Variants in BOLA3 observed in about 807,000 individuals in gnomAD.
BOLA3 encodes bolA-like protein 3.
A neutral mutation model predicts 14.5 loss-of-function variants in BOLA3; 8 were observed. The observed-to-expected ratio is 0.55, with a 90% CI of 0.32 to 0.99. The LOEUF (loss-of-function observed/expected upper bound fraction) is 0.99. Ranked by LOEUF, BOLA3 falls within the 50% of genes least tolerant of loss-of-function variation. The pLI is 0.04. For missense variants in BOLA3, 115 were observed against 138.2 expected (o/e 0.83, Z 0.84); for synonymous variants, 42 against 45.7 (o/e 0.92, Z 0.33).
Position 74,142,497 on chromosome 2 carries a change from G to T in BOLA3, c.170-137C>A, listed in dbSNP as rs182153841. 1,658 of 732,316 alleles carry T rather than the reference G, an allele frequency of 2.3e-3. 3 individuals carry two copies. The highest frequency in any genetic ancestry group is 4.6e-3 in the Middle Eastern group (20 of 4,316). 45.4% of individuals were successfully genotyped at this position (732,316 alleles called of 1,614,324 possible). Reference sequence around the variant, plus strand: ...CAAAGGAAAGTTGCTAAGACCATTAGGAAAAGATCATGGCTTCCAATCTGA... The same window carrying T: ...CAAAGGAAAGTTGCTAAGACCATTATGAAAAGATCATGGCTTCCAATCTGA... On this transcript the variant is annotated intron_variant, in intron 2 of 3. Transcript: ENST00000327428.
intron 2 of BOLA3, among the ~76,000 whole-genome samples, chr2:74,144,339 T>C (rs1233740300): frequency 1.3e-5 from 2 of 152,244 alleles, no homozygotes; most frequent in Admixed American, 6.5e-5. Flanking sequence ...TTATTTCCTG[T>C]GGTTTCCAGA....
At chr2:74,142,933 C>G (rs78726562) in intron 2 of BOLA3, among the ~76,000 whole-genome samples, 9,710 of 152,194 alleles carry the variant, frequency 0.064, 1,022 homozygotes, top group African/African-American at 0.22. Context: ...TTCATCCTGG[C>G]TTTTGGGGGG....
intron 2 of BOLA3, among the ~76,000 whole-genome samples, chr2:74,143,532 C>T (rs1692486268): frequency 6.6e-6 from 1 of 152,104 alleles, no homozygotes; most frequent in African/African-American, 2.4e-5. Context: ...CTCAACTCCC[C>T]TTCTGCACTC....
At position 74,147,846 on chromosome 2, in the gene BOLA3, G is replaced by A; in HGVS notation, c.29C>T (p.Ala10Val). Residue 10 changes from alanine (A) to valine (V), a missense_variant, in exon 1 of 4, where the codon GCG becomes GTG. By Grantham distance (64) the Ala-to-Val change is moderately conservative (BLOSUM62 0). Coordinates refer to ENST00000327428, the MANE Select transcript of BOLA3 (RefSeq NM_212552.3). ...CCCGCGGATCCCGCGGAGGAGAGGC[G>A]CTGCCGCGGCCGGGCTCCATGCAGC... MAAWSPAAA[A>V]PLLRGIRGLP... The A allele has an allele frequency of 6.6e-7, 1 of 1,525,468 alleles. No individual in the cohort carries two copies. The highest frequency in any genetic ancestry group is 1.2e-5 in the South Asian group (1 of 83,046). The allele number at this position is 1,525,468 out of a possible 1,614,324, so 94.5% of individuals were successfully genotyped here.
At position 74,147,818 on chromosome 2, in the gene BOLA3, C is replaced by T. The variant is rs923189776; in HGVS notation, c.54+3G>A. 5.9e-6 allele frequency: 9 copies of T among 1,529,034 alleles called. No homozygotes were observed. In the Admixed American group the frequency reaches 1.6e-4, roughly 27 times the overall value. The allele number at this position is 1,529,034 out of a possible 1,614,324, so 94.7% of individuals were successfully genotyped here. A position where few individuals can be genotyped will look rare whatever the true frequency, so the allele number is the denominator to read the frequency against. ...GAGCAGCCCCGACCCTGCCCACGCT[C>T]ACCCCGCGGATCCCGCGGAGGAGAG... On this transcript the variant is annotated splice_donor_region_variant and intron_variant, in intron 1 of 3. Coordinates refer to ENST00000327428, the MANE Select transcript of BOLA3 (RefSeq NM_212552.3).
intron 2 of BOLA3, among the ~76,000 whole-genome samples, chr2:74,143,601 G>C (rs1692487276): frequency 1.3e-5 from 2 of 152,240 alleles, no homozygotes; most frequent in Non-Finnish European, 2.9e-5. Context: ...CTGGGCCTGG[G>C]GCAAGTTCAG....
intron 1 of BOLA3, 175 bp downstream of exon 1, chr2:74,147,646 G>T: frequency 1.5e-6 from 1 of 687,790 alleles, no homozygotes; most frequent in Non-Finnish European, 2.5e-6. Flanking sequence ...TGCCGTTGTC[G>T]CTGAGTGAAT....
chr2:74,147,749 C>T, intron 1 of BOLA3, 72 bp downstream of exon 1: 1 of 1,486,476 alleles, frequency 6.7e-7, no homozygotes. Context: ...CAAGCCCCGA[C>T]AGCCGCCGGC....
intron 3 of BOLA3, among the ~76,000 whole-genome samples, chr2:74,139,736 C>T (rs1434631548): frequency 6.6e-6 from 1 of 152,198 alleles, no homozygotes; most frequent in Non-Finnish European, 1.5e-5. Flanking sequence ...GCTCAGGGGA[C>T]CCCCTCATGT....
At chr2:74,136,014 A>G (rs893064571) in intron 3 of BOLA3, among the ~76,000 whole-genome samples, 4 of 148,472 alleles carry the variant, frequency 2.7e-5, no homozygotes, top group Non-Finnish European at 5.9e-5. Flanking sequence ...CAGTGGCGCG[A>G]TATCGGCTTA....
In BOLA3 at chr2:74,142,288, T is replaced by C; in HGVS notation, c.242A>G (p.His81Arg). Residue 81 changes from histidine (H) to arginine (R), a missense_variant, in exon 3 of 4, where the codon CAC becomes CGC. Transcript: ENST00000327428. The part of the protein sequence containing the change: ...EFKEKRTVQQ[H>R]QMVNQALKEE... ...TCTACTGACCTGATTAACCATCTGG[T>C]GCTGCTGGACAGTTCTCTTCTCCTT... 6.2e-7 allele frequency: 1 copy of C among 1,613,708 alleles called. No individual in the cohort carries two copies. Among genetic ancestry groups the C allele is most frequent in the Non-Finnish European group, 8.5e-7 (1 of 1,179,712 alleles).
intron 1 of BOLA3, 27 bp downstream of exon 1, chr2:74,147,794 A>G: frequency 6.5e-7 from 1 of 1,529,680 alleles, no homozygotes; most frequent in Non-Finnish European, 8.7e-7. Flanking sequence ...TCCCGGGGAG[A>G]GCAGCCCCGA....
In BOLA3 at chr2:74,145,253, T is replaced by C; in HGVS notation, c.105A>G (p.Arg35=). 1.2e-6 allele frequency: 2 copies of C among 1,612,968 alleles called. No homozygotes were observed. The highest frequency in any genetic ancestry group is 1.1e-5 in the South Asian group (1 of 91,070). Residue 35 remains arginine (R), a synonymous_variant, in exon 2 of 4, where the codon AGA becomes AGG. Coordinates refer to ENST00000327428, the MANE Select transcript of BOLA3 (RefSeq NM_212552.3). ...MFATQTEGEL[R]VTQILKEKFP... is the part of the protein sequence containing the mutation. ...ACTTTTCTTTGAGAATTTGGGTCAC[T>C]CTGAGCTCCCCCTCAGTCTGAGTGG...
rs748828418 is a variant in BOLA3, at chr2:74,142,257, G to A, written c.258+15C>T. The A allele has an allele frequency of 6.3e-7, 1 of 1,594,162 alleles. No homozygotes were observed. Among genetic ancestry groups the A allele is most frequent in the Non-Finnish European group, 8.6e-7 (1 of 1,162,550 alleles). The stretch of plus-strand genomic sequence containing the variant: ...CTGAAGGCCAGTGGCAAGGGGCACT[G>A]TTGCCTCTACTGACCTGATTAACCA... On this transcript the variant is annotated intron_variant, in intron 3 of 3. Coordinates refer to ENST00000327428, the MANE Select transcript of BOLA3 (RefSeq NM_212552.3).
intron 1 of BOLA3, 78 bp from the exon 2 acceptor site, chr2:74,145,381 C>T: frequency 1.1e-6 from 1 of 883,288 alleles, no homozygotes; most frequent in South Asian, 1.3e-5. Context: ...GCAGGCCCGC[C>T]TGCCATTCCC....
intron 3 of BOLA3, among the ~76,000 whole-genome samples, chr2:74,140,180 A>G (rs1314570479): frequency 1.3e-5 from 2 of 152,082 alleles, no homozygotes; most frequent in African/African-American, 2.4e-5. Context: ...GCTACTTGGG[A>G]GGCTGAGGCA....
Position 74,145,214 on chromosome 2 carries a change from T to C in BOLA3, c.144A>G (p.Thr48=). 1.9e-6 allele frequency: 3 copies of C among 1,602,294 alleles called. No individual in the cohort carries two copies. Among genetic ancestry groups the C allele is most frequent in the Non-Finnish European group, 2.6e-6 (3 of 1,169,238 alleles). The part of the protein sequence containing the change: ...QILKEKFPRA[T]AIKVTDISGG... ...CTGAAATGTCAGTGACTTTTATAGC[T>C]GTAGCTCGTGGAAACTTTTCTTTGA... Residue 48 remains threonine, a synonymous_variant, in exon 2 of 4, where the codon ACA becomes ACG. Coordinates refer to ENST00000327428, the MANE Select transcript of BOLA3 (RefSeq NM_212552.3).
chr2:74,135,504 A>T lies in BOLA3; in HGVS notation c.*89T>A, dbSNP rs561184018. The T allele has an allele frequency of 5.1e-6, 8 of 1,566,314 alleles. No homozygotes were observed. In the South Asian group the frequency reaches 6.7e-5, roughly 13 times the overall value. On this transcript the variant is annotated 3_prime_UTR_variant, in exon 4 of 4. Coordinates refer to ENST00000327428, the MANE Select transcript of BOLA3 (RefSeq NM_212552.3). ...GGAAATGTATATGAGCAAAATATATAAATTTTTTGGTGACTGCTTAGGGAA... is the reference window on the plus strand; with the variant it reads ...GGAAATGTATATGAGCAAAATATATTAATTTTTTGGTGACTGCTTAGGGAA...
intron 3 of BOLA3, among the ~76,000 whole-genome samples, chr2:74,141,014 T>TC (rs1692428460): frequency 6.6e-6 from 1 of 152,176 alleles, no homozygotes; most frequent in African/African-American, 2.4e-5. Flanking sequence ...CACCTATGGG[T>TC]CCAGTCACAC....
Sources: allele counts gnomAD v4.1 joint callset (sites outside exome capture counted in the v4.1 genomes callset), GRCh38; gene constraint gnomAD v4.1.1; transcripts MANE v1.5; gene names NCBI Gene and HGNC (gene_info 2026-07-23, HGNC 2026-07-21).